The following KIAA1549 variants were observed in gnomAD, a reference collection of about 807,000 sequenced individuals.
KIAA1549 encodes the protein KIAA1549, also known as UPF0606 protein KIAA1549.
KIAA1549 carries 70 observed loss-of-function variants against 156.4 expected under a neutral mutation model. That is an observed-to-expected ratio of 0.45 (90% CI 0.37 to 0.55). KIAA1549 has a LOEUF of 0.55. Ranked by LOEUF, KIAA1549 falls within the 20% of genes least tolerant of loss-of-function variation. KIAA1549 has a pLI of 0.00. For missense variants in KIAA1549, 2,428 were observed against 2,540.9 expected, an observed-to-expected ratio of 0.96 and a Z score of 0.96; for synonymous variants, 1,103 against 1,066.4, an observed-to-expected ratio of 1.03 and a Z score of -0.67.
chr7:138,839,720 G>T (rs1043890236), intron 19 of KIAA1549, among the ~76,000 whole-genome samples: 8 of 144,408 alleles, frequency 5.5e-5, no homozygotes, highest in Non-Finnish European at 9.1e-5. Flanking sequence ...TTTTTTAAAT[G>T]TAGGTTTTAA....
intron 1 of KIAA1549, among the ~76,000 whole-genome samples, chr7:138,957,203 G>T (rs977524413): frequency 6.6e-6 from 1 of 152,188 alleles, no homozygotes; most frequent in African/African-American, 2.4e-5. Context: ...AACAGGAGAG[G>T]CAGGCAATGA....
At chr7:138,872,456 A>AT (rs1248445355) in intron 12 of KIAA1549, among the ~76,000 whole-genome samples, 4 of 152,022 alleles carry the variant, frequency 2.6e-5, no homozygotes, top group Admixed American at 6.6e-5. Context: ...ATGATGGGTG[A>AT]TTTTTCCCCA....
chr7:138,963,148 T>C (rs1813905567), intron 1 of KIAA1549, among the ~76,000 whole-genome samples: 1 of 152,242 alleles, frequency 6.6e-6, no homozygotes, highest in South Asian at 2.1e-4. Context: ...CATGTGGGCA[T>C]GGAACTACCA....
intron 1 of KIAA1549, among the ~76,000 whole-genome samples, chr7:138,924,111 C>A (rs1329572442): frequency 1.3e-5 from 2 of 152,008 alleles, no homozygotes; most frequent in Non-Finnish European, 2.9e-5. Context: ...CCTGTCACAT[C>A]CCAAGCACAG....
intron 19 of KIAA1549, 54 bp from the exon 20 acceptor site, chr7:138,838,214 T>C (rs1809804617): frequency 1.4e-6 from 2 of 1,439,030 alleles, no homozygotes; most frequent in East Asian, 2.5e-5. Context: ...AGCCGAAACA[T>C]CAAATGCAAA....
At chr7:138,873,808 T>G (rs74519083) in intron 12 of KIAA1549, among the ~76,000 whole-genome samples, 1,643 of 151,764 alleles carry the variant, frequency 0.011, 18 homozygotes, top group African/African-American at 0.037. Context: ...TCTACAGAGC[T>G]GAGGGACCAA....
intron 10 of KIAA1549, among the ~76,000 whole-genome samples, chr7:138,891,094 T>C (rs1811533116): frequency 6.6e-6 from 1 of 152,250 alleles, no homozygotes; most frequent in Non-Finnish European, 1.5e-5. Flanking sequence ...CCAGACATCC[T>C]TATACTCCTG....
At position 138,917,053 on chromosome 7, in the gene KIAA1549, G is replaced by C. The variant is rs772841096; in HGVS notation, c.2573C>G (p.Pro858Arg). ...CACGACGGTCAGCTCTGTGGGCAGA[G>C]GGAAGGGGGTTGCTTCAGAAACAAA... ...SSFVSEATPF[P>R]LPTELTVVGP... is the part of the protein sequence containing the mutation. The change falls in exon 2 of 20, where the codon CCT (proline) becomes CGT (arginine). Residue 858 changes from proline (P) to arginine (R), a missense_variant. Physicochemically the swap from Pro to Arg is moderately radical, Grantham distance 103. Transcript: ENST00000422774. 6.2e-7 allele frequency: 1 copy of C among 1,608,016 alleles called. No homozygotes were observed. Among genetic ancestry groups the C allele is most frequent in the Non-Finnish European group, 8.5e-7 (1 of 1,177,344 alleles).
In KIAA1549 at chr7:138,917,778, G is replaced by A. The variant is rs903688640; in HGVS notation, c.1848C>T (p.Pro616=). The change falls in exon 2 of 20, where the codon CCC becomes CCT. Residue 616 remains proline, a synonymous_variant. Coordinates refer to ENST00000422774, the MANE Select transcript of KIAA1549 (RefSeq NM_001164665.2). The stretch of plus-strand genomic sequence containing the variant: ...TGGATGCAAAATCCAAAGCACCTCT[G>A]GGTTTATGCTCAGAAAAACTGGAAC... The part of the protein sequence containing the change: ...QERSSFSEHK[P]RGALDFASSF... 2.2e-5 allele frequency: 34 copies of A among 1,579,120 alleles called. No individual in the cohort carries two copies. The highest frequency in any genetic ancestry group is 2.6e-5 in the Non-Finnish European group (30 of 1,162,512).
chr7:138,937,113 T>C (rs762998418), intron 1 of KIAA1549, among the ~76,000 whole-genome samples: 2 of 152,134 alleles, frequency 1.3e-5, no homozygotes, highest in Admixed American at 6.5e-5. Flanking sequence ...TTCCCGCCTG[T>C]GCCATTAGTA....
intron 8 of KIAA1549, among the ~76,000 whole-genome samples, chr7:138,901,234 T>C (rs1811831579): frequency 1.3e-5 from 2 of 152,200 alleles, no homozygotes; most frequent in South Asian, 4.1e-4. Context: ...CTGTAAACAT[T>C]TTAGCATTTT....
At chr7:138,947,248 T>A (rs1430618978) in intron 1 of KIAA1549, among the ~76,000 whole-genome samples, 3 of 152,214 alleles carry the variant, frequency 2.0e-5, no homozygotes, top group African/African-American at 7.2e-5. Flanking sequence ...CTAGCATCCA[T>A]GATGGCTTCT....
rs937390845 is a variant in KIAA1549 at position 138,836,040 on chromosome 7, C to T, written c.*1866G>A. 4.7e-6 allele frequency: 1 copy of T among 212,090 alleles called. No individual in the cohort carries two copies. The highest frequency in any genetic ancestry group is 9.5e-6 in the Non-Finnish European group (1 of 104,828). 13.1% of individuals were successfully genotyped at this position (212,090 alleles called of 1,614,324 possible). ...AGGGCTAAAACATGGTTTTGAAATC[C>T]AGTGATTACACTTTGGAAACCTGTT... On this transcript the variant is annotated 3_prime_UTR_variant, in exon 20 of 20. Transcript: ENST00000422774.
At chr7:138,919,528 A>G (rs1812491034) in intron 1 of KIAA1549, 90 bp from the exon 2 acceptor site, 1 of 1,522,270 alleles carries the variant, frequency 6.6e-7, no homozygotes, top group Non-Finnish European at 8.8e-7. Context: ...TACTCATTTA[A>G]CAAACATCCA....
At chr7:138,975,668 T>A (rs1391910992) in intron 1 of KIAA1549, among the ~76,000 whole-genome samples, 1 of 152,206 alleles carries the variant, frequency 6.6e-6, no homozygotes. Flanking sequence ...TTTTAACAAA[T>A]CCTGCTGCCT....
At chr7:138,981,000 G>A in intron 1 of KIAA1549, 83 bp downstream of exon 1, 1 of 1,148,194 alleles carries the variant, frequency 8.7e-7, no homozygotes, top group Non-Finnish European at 1.1e-6. Flanking sequence ...GAGGATGGGC[G>A]GGGAAAGCCG....
At chr7:138,929,023 C>G (rs1812799589) in intron 1 of KIAA1549, among the ~76,000 whole-genome samples, 1 of 152,186 alleles carries the variant, frequency 6.6e-6, no homozygotes, top group South Asian at 2.1e-4. Context: ...TGTTTTATCT[C>G]AGTGTTGACG....
chr7:138,844,175 C>T, intron 18 of KIAA1549, 142 bp downstream of exon 18: 3 of 919,876 alleles, frequency 3.3e-6, no homozygotes, highest in Non-Finnish European at 3.3e-6. Context: ...GCCTCCATCT[C>T]GGTCAGGATA....
chr7:138,910,120 A>G (rs111296750), intron 4 of KIAA1549, among the ~76,000 whole-genome samples: 1 of 152,228 alleles, frequency 6.6e-6, no homozygotes, highest in African/African-American at 2.4e-5. Context: ...GGGTGTGGCT[A>G]TAACAAGACT....
Sources: gnomAD v4.1 joint callset for allele counts (sites outside exome capture counted in the v4.1 genomes callset) on GRCh38, gnomAD v4.1.1 for gene constraint, MANE v1.5 for transcripts, NCBI Gene and HGNC (gene_info 2026-07-23, HGNC 2026-07-21) for gene names.